EXOC6B: variants seen among roughly 807,000 people sequenced by gnomAD.
EXOC6B encodes SEC15 homolog B.
A neutral mutation model predicts 113.5 loss-of-function variants in EXOC6B; 54 were observed. That is an observed-to-expected ratio of 0.48 (90% CI 0.38 to 0.60). The LOEUF is 0.60. Among genes scored for constraint, EXOC6B ranks in the 20% least tolerant of loss-of-function variants. The probability of loss-of-function intolerance (pLI) is 0.00; values close to 1 mark genes in which losing one functional copy is unlikely to be tolerated. For missense variants in EXOC6B, 797 were observed against 977.5 expected (o/e 0.82, Z 2.46); for synonymous variants, 357 against 339.0 (o/e 1.05, Z -0.58).
At chr2:72,374,453 A>G (rs1183222051) in intron 19 of EXOC6B, among the ~76,000 whole-genome samples, 1 of 152,198 alleles carries the variant, frequency 6.6e-6, no homozygotes, top group African/African-American at 2.4e-5. Context: ...CAGAAAGACA[A>G]ACATTGCATG....
chr2:72,446,963 G>A (rs745384676), intron 18 of EXOC6B, among the ~76,000 whole-genome samples: 14 of 152,036 alleles, frequency 9.2e-5, no homozygotes, highest in Non-Finnish European at 1.8e-4. Context: ...TTAGCTGGGC[G>A]TGGTGGTGCA....
chr2:72,823,880 T>C (rs561097465), intron 1 of EXOC6B, among the ~76,000 whole-genome samples: 81 of 152,276 alleles, frequency 5.3e-4, no homozygotes, highest in African/African-American at 1.9e-3. Context: ...TATATTTACA[T>C]GGTATTTACA....
At chr2:72,308,791 C>T (rs1687030576) in intron 20 of EXOC6B, among the ~76,000 whole-genome samples, 1 of 152,076 alleles carries the variant, frequency 6.6e-6, no homozygotes, top group African/African-American at 2.4e-5. Flanking sequence ...CCCATCTTAA[C>T]AGGCAGGCAG....
At chr2:72,642,574 A>T (rs1248963312) in intron 6 of EXOC6B, among the ~76,000 whole-genome samples, 2 of 148,450 alleles carry the variant, frequency 1.3e-5, no homozygotes, top group African/African-American at 2.5e-5. Context: ...TAGAAAGCTG[A>T]AACCGGATCC....
intron 20 of EXOC6B, among the ~76,000 whole-genome samples, chr2:72,206,540 C>T (rs1419100003): frequency 6.6e-6 from 1 of 152,158 alleles, no homozygotes; most frequent in Non-Finnish European, 1.5e-5. Context: ...AGTGTTTGTG[C>T]CTCACAGTTG....
Position 72,191,033 on chromosome 2 carries a change from T to C in EXOC6B, c.2197-6846A>G, listed in dbSNP as rs143334406. Among the ~76,000 whole-genome samples, 49 of 152,332 alleles carry C rather than the reference T, an allele frequency of 3.2e-4. No individual in the cohort carries two copies. In the East Asian group the frequency reaches 3.9e-3, roughly 12 times the overall value. ...AGAGTTATCTGTTTGTGGTATTTAA[T>C]AGAACAGGGGAACTAAACTAGTGTA... On this transcript the variant is annotated intron_variant, in intron 20 of 21. Transcript: ENST00000272427.
chr2:72,646,079 A>G lies in EXOC6B; in HGVS notation c.670-70411T>C, dbSNP rs867503247. 2.0e-5 allele frequency among the ~76,000 whole-genome samples: 3 copies of G among 152,332 alleles called. No homozygotes were observed. In the South Asian group the frequency reaches 6.2e-4, roughly 32 times the overall value. On this transcript the variant is annotated intron_variant, in intron 6 of 21. Coordinates refer to ENST00000272427, the MANE Select transcript of EXOC6B (RefSeq NM_015189.3). ...ATAAAGAAGAAAAGAGAGAAGAATC[A>G]AATAGACGCAATAAAAAATGATAAA...
intron 13 of EXOC6B, among the ~76,000 whole-genome samples, chr2:72,497,972 G>A (rs937127383): frequency 2.6e-5 from 4 of 152,170 alleles, no homozygotes; most frequent in African/African-American, 9.7e-5. Flanking sequence ...GCTGTAATAT[G>A]CCCCTTTGCT....
intron 6 of EXOC6B, among the ~76,000 whole-genome samples, chr2:72,714,186 T>C (rs756460182): frequency 1.3e-5 from 2 of 152,220 alleles, no homozygotes; most frequent in Admixed American, 6.5e-5. Context: ...CAGGGAACAT[T>C]ATTTAATGAA....
intron 1 of EXOC6B, among the ~76,000 whole-genome samples, chr2:72,811,355 T>G (rs79838053): frequency 6.6e-6 from 1 of 152,116 alleles, no homozygotes; most frequent in East Asian, 1.9e-4. Context: ...ACAACTTAAA[T>G]GAAATAAACC....
chr2:72,645,608 A>C (rs1487285284), intron 6 of EXOC6B, among the ~76,000 whole-genome samples: 1 of 152,230 alleles, frequency 6.6e-6, no homozygotes, highest in African/African-American at 2.4e-5. Flanking sequence ...ACCACAGCGC[A>C]ATCAAATTAC....
At position 72,665,829 on chromosome 2, in the gene EXOC6B, T is replaced by C. The variant is rs111723021; in HGVS notation, c.669+52274A>G. ...ACCAGCTAATAACACAGTAACACAATCTCACATATCAATACTAACCTTGAA... is the reference window on the plus strand; with the variant it reads ...ACCAGCTAATAACACAGTAACACAACCTCACATATCAATACTAACCTTGAA... On this transcript the variant is annotated intron_variant, in intron 6 of 21. Coordinates refer to ENST00000272427, the MANE Select transcript of EXOC6B (RefSeq NM_015189.3). Among the ~76,000 whole-genome samples the C allele has an allele frequency of 1.5e-4, 23 of 152,206 alleles. 2 individuals are homozygous for C. Among genetic ancestry groups the C allele is most frequent in the African/African-American group, 4.6e-4 (19 of 41,520 alleles).
intron 18 of EXOC6B, chr2:72,464,915 A>G: frequency 1.9e-6 from 1 of 518,170 alleles, no homozygotes; most frequent in Non-Finnish European, 3.4e-6. Context: ...ATTACCTTGA[A>G]CATCATAGGA....
At chr2:72,470,246 C>T (rs1295582453) in intron 17 of EXOC6B, among the ~76,000 whole-genome samples, 1 of 151,996 alleles carries the variant, frequency 6.6e-6, no homozygotes, top group Non-Finnish European at 1.5e-5. Context: ...GTGTCCTCTT[C>T]CGTTTCTTTC....
intron 6 of EXOC6B, among the ~76,000 whole-genome samples, chr2:72,679,228 A>G (rs1676524337): frequency 6.6e-6 from 1 of 152,046 alleles, no homozygotes; most frequent in African/African-American, 2.4e-5. Flanking sequence ...CACCACACCC[A>G]GCTAATTTTT....
intron 1 of EXOC6B, among the ~76,000 whole-genome samples, chr2:72,822,109 A>T (rs1686615397): frequency 6.6e-6 from 1 of 152,200 alleles, no homozygotes. Context: ...TGAGTAAGTG[A>T]TATAAAGGAA....
At chr2:72,367,590 A>C (rs1447532554) in intron 19 of EXOC6B, among the ~76,000 whole-genome samples, 1 of 152,342 alleles carries the variant, frequency 6.6e-6, no homozygotes, top group Non-Finnish European at 1.5e-5. Context: ...CAGGTGAGCA[A>C]TCACGCTACC....
intron 2 of EXOC6B, among the ~76,000 whole-genome samples, chr2:72,737,759 G>A (rs773233480): frequency 6.6e-6 from 1 of 151,998 alleles, no homozygotes; most frequent in Admixed American, 6.6e-5. Flanking sequence ...GGCTGAGGAA[G>A]GATAATCGCT....
chr2:72,646,766 ACT>A (rs764110132), intron 6 of EXOC6B, among the ~76,000 whole-genome samples: 1 of 152,144 alleles, frequency 6.6e-6, no homozygotes, highest in African/African-American at 2.4e-5. Flanking sequence ...TATGATAAAA[ACT>A]CTCAATAAAC....
Sources: allele counts gnomAD v4.1 joint callset (sites outside exome capture counted in the v4.1 genomes callset), GRCh38; gene constraint gnomAD v4.1.1; transcripts MANE v1.5; gene names NCBI Gene and HGNC (gene_info 2026-07-23, HGNC 2026-07-21).